KIFC2: variants seen among roughly 807,000 people sequenced by gnomAD.
KIFC2 encodes the protein kinesin-like protein KIFC2.
KIFC2 carries 94 observed loss-of-function variants against 91.5 expected under a neutral mutation model. That is an observed-to-expected ratio of 1.03 (90% CI 0.87 to 1.22). The LOEUF is 1.22. Among genes scored for constraint, KIFC2 ranks in the 50% most tolerant of loss-of-function variants. The probability of loss-of-function intolerance (pLI) is 0.00; values close to 1 mark genes in which losing one functional copy is unlikely to be tolerated. For missense variants in KIFC2, 1,357 were observed against 1,103.3 expected (o/e 1.23, Z -3.26); for synonymous variants, 729 against 503.9 (o/e 1.45, Z -5.98).
chr8:144,466,803 C>T lies in KIFC2; in HGVS notation c.143C>T (p.Ala48Val), dbSNP rs1029060177. Reference sequence around the variant, plus strand: ...GGTCGCCGGCGCCCAGACCTGCCCGCGCCAGAGCTGTGGACCGAGCTGACC... The same window carrying T: ...GGTCGCCGGCGCCCAGACCTGCCCGTGCCAGAGCTGTGGACCGAGCTGACC... ...PRGRRRPDLP[A>V]PELWTELTGL... The change falls in exon 2 of 18, where the codon GCG (alanine) becomes GTG (valine). Residue 48 changes from alanine (A) to valine (V), a missense_variant. Ala to Val is a moderately conservative substitution (Grantham distance 64). Coordinates refer to ENST00000645548, the MANE Select transcript of KIFC2 (RefSeq NM_001369769.2). 10 of 1,537,128 alleles carry T rather than the reference C, an allele frequency of 6.5e-6. No homozygotes were observed. The highest frequency in any genetic ancestry group is 5.5e-5 in the African/African-American group (4 of 72,882).
At position 144,466,755 on chromosome 8, in the gene KIFC2, C is replaced by A; in HGVS notation, c.100-5C>A. 1 of 1,529,308 alleles carries A rather than the reference C, an allele frequency of 6.5e-7. No homozygotes were observed. Among genetic ancestry groups the A allele is most frequent in the African/African-American group, 1.4e-5 (1 of 72,292 alleles). The allele number at this position is 1,529,308 out of a possible 1,614,324, so 94.7% of individuals were successfully genotyped here. ...TCCTCAGGGGCGCCCCTGCCCCCTC[C>A]CTAGAGAGCCCGCAAGCCCCGGGGT... On this transcript the variant is annotated splice_polypyrimidine_tract_variant and splice_region_variant and intron_variant, in intron 1 of 17. Transcript: ENST00000645548.
intron 14 of KIFC2, 50 bp downstream of exon 14, chr8:144,472,309 C>T (rs371706129): frequency 8.7e-6 from 14 of 1,613,470 alleles, no homozygotes; most frequent in Admixed American, 1.7e-5. Flanking sequence ...GCCCAGGGCC[C>T]TTCCGGATTT....
chr8:144,469,186 C>T (rs563321303), intron 10 of KIFC2, 85 bp from the exon 11 acceptor site: 1 of 1,157,622 alleles, frequency 8.6e-7, no homozygotes, highest in African/African-American at 1.6e-5. Context: ...GTGGGGGCTC[C>T]CTGCTGCTCT....
rs1824840272 is a variant in KIFC2 at position 144,469,480 on chromosome 8, C to T, written c.1223-10C>T. 6 of 1,613,978 alleles carry T rather than the reference C, an allele frequency of 3.7e-6. No homozygotes were observed. The highest frequency in any genetic ancestry group is 2.2e-5 in the East Asian group (1 of 44,892). On this transcript the variant is annotated splice_polypyrimidine_tract_variant and intron_variant, in intron 11 of 17. Coordinates refer to ENST00000645548, the MANE Select transcript of KIFC2 (RefSeq NM_001369769.2). ...TGCGAGGCATTATGCTGACCTGATC[C>T]CCACTGCAGGAAATATCCGTGTGCT...
intron 12 of KIFC2, among the ~76,000 whole-genome samples, chr8:144,471,125 G>A (rs1396282251): frequency 5.5e-5 from 8 of 145,408 alleles, no homozygotes; most frequent in Admixed American, 2.2e-4. Flanking sequence ...CACCATGCTC[G>A]GCTAATTTTT....
chr8:144,469,513 C>T lies in KIFC2; in HGVS notation c.1246C>T (p.Leu416=), dbSNP rs371723827. ...LKGNIRVLCR[L]RPGTSSSLVS... is the part of the protein sequence containing the mutation. ...AGGAAATATCCGTGTGCTGTGTCGGCTGAGGCCAGGGACATCTTCTAGCCT... is the reference window on the plus strand; with the variant it reads ...AGGAAATATCCGTGTGCTGTGTCGGTTGAGGCCAGGGACATCTTCTAGCCT... The change falls in exon 12 of 18, where the codon CTG becomes TTG. Residue 416 remains leucine (L), a synonymous_variant. Transcript: ENST00000645548. 41 of 1,613,910 alleles carry T rather than the reference C, an allele frequency of 2.5e-5. No individual in the cohort carries two copies. The highest frequency in any genetic ancestry group is 2.3e-4 in the African/African-American group (17 of 74,944).
Position 144,472,155 on chromosome 8 carries a change from C to A in KIFC2, c.1503C>A (p.Pro501=), listed in dbSNP as rs145663208. ...ATCCTCAGGGCCCTCCTGAGGACCC[C>A]GGCATAGTTCCTAGGGCGCTGCAGT... The part of the protein sequence containing the change: ...TYSMEGPPED[P]GIVPRALQSL... Residue 501 remains proline, a synonymous_variant, in exon 14 of 18, where the codon CCC becomes CCA. Coordinates refer to ENST00000645548, the MANE Select transcript of KIFC2 (RefSeq NM_001369769.2). 1.4e-5 allele frequency: 22 copies of A among 1,613,140 alleles called. No homozygotes were observed. In the African/African-American group the frequency reaches 2.5e-4, roughly 19 times the overall value.
At chr8:144,469,126 AG>A in intron 10 of KIFC2, 144 bp from the exon 11 acceptor site, 1 of 701,208 alleles carries the variant, frequency 1.4e-6, no homozygotes. Flanking sequence ...TGATGTCCCC[AG>A]GGGCCCAGAG....
At chr8:144,467,801 G>C in intron 6 of KIFC2, 22 bp downstream of exon 6, 1 of 1,613,562 alleles carries the variant, frequency 6.2e-7, no homozygotes, top group South Asian at 1.1e-5. Flanking sequence ...GGGAGACCTG[G>C]CAGGGCCGGG....
Position 144,473,978 on chromosome 8 carries a change from G to T in KIFC2, c.*589G>T. The T allele has an allele frequency of 1.8e-6, 1 of 544,720 alleles. No individual in the cohort carries two copies. Among genetic ancestry groups the T allele is most frequent in the Non-Finnish European group, 3.2e-6 (1 of 307,844 alleles). 33.7% of individuals were successfully genotyped at this position (544,720 alleles called of 1,614,324 possible). A position where few individuals can be genotyped will look rare whatever the true frequency, so the allele number is the denominator to read the frequency against. ...GGCTGAGAAGAGGGGACTAGGAAGG[G>T]CTATTCCAGGCTCAGCCCTGCTCCT... On this transcript the variant is annotated 3_prime_UTR_variant, in exon 18 of 18. Coordinates refer to ENST00000645548, the MANE Select transcript of KIFC2 (RefSeq NM_001369769.2).
rs755675099 is a variant in KIFC2, at chr8:144,469,275, C to A, written c.1118C>A (p.Ser373Tyr). The change falls in exon 11 of 18, where the codon TCC becomes TAC. Residue 373 changes from serine to tyrosine, a missense_variant. Physicochemically the swap from Ser to Tyr is moderately radical, Grantham distance 144 (BLOSUM62 -2). Transcript: ENST00000645548. ...GSLSEARGQV[S>Y]WALGALSSGG... ...TGTACATCCCTGTTCCCTCAGGTGT[C>A]CTGGGCCTTGGGGGCACTGTCATCT... 6.3e-7 allele frequency: 1 copy of A among 1,594,076 alleles called. No homozygotes were observed. The highest frequency in any genetic ancestry group is 8.5e-7 in the Non-Finnish European group (1 of 1,172,472).
At chr8:144,467,139 G>A in intron 3 of KIFC2, 29 bp downstream of exon 3, 5 of 1,611,246 alleles carry the variant, frequency 3.1e-6, no homozygotes, top group Non-Finnish European at 4.2e-6. Context: ...GCTGCTGGCA[G>A]GTACCACCTG....
Position 144,473,258 on chromosome 8 carries a change from T to G in KIFC2, c.2245T>G (p.Ser749Ala). The G allele has an allele frequency of 6.2e-7, 1 of 1,605,400 alleles. No homozygotes were observed. Among genetic ancestry groups the G allele is most frequent in the Non-Finnish European group, 8.5e-7 (1 of 1,176,982 alleles). ...RVPRSSGTPS[S>A]LSTDTPLTGT... ...CCCGCGCTCCTCCGGGACGCCTTCTTCCCTCAGCACCGACACTCCGCTCAC... is the reference window on the plus strand; with the variant it reads ...CCCGCGCTCCTCCGGGACGCCTTCTGCCCTCAGCACCGACACTCCGCTCAC... Residue 749 changes from serine (S) to alanine (A), a missense_variant, in exon 18 of 18, where the codon TCC (serine) becomes GCC (alanine). Coordinates refer to ENST00000645548, the MANE Select transcript of KIFC2 (RefSeq NM_001369769.2).
At chr8:144,469,448 T>C (rs1462585775) in intron 11 of KIFC2, 42 bp from the exon 12 acceptor site, 28 of 1,613,570 alleles carry the variant, frequency 1.7e-5, no homozygotes, top group Middle Eastern at 1.7e-4. Flanking sequence ...CTCTGTGCTT[T>C]AGGGTCTGCG....
chr8:144,467,181 C>G (rs200941622), intron 3 of KIFC2, 22 bp from the exon 4 acceptor site: 1 of 1,613,372 alleles, frequency 6.2e-7, no homozygotes, highest in South Asian at 1.1e-5. Context: ...CAGCCCTGCT[C>G]GGATTCTTGT....
chr8:144,466,480 G>C lies in KIFC2; in HGVS notation c.61G>C (p.Gly21Arg). 1 of 1,333,732 alleles carries C rather than the reference G, an allele frequency of 7.5e-7. No homozygotes were observed. Among genetic ancestry groups the C allele is most frequent in the South Asian group, 1.9e-5 (1 of 53,536 alleles). The allele number at this position is 1,333,732 out of a possible 1,614,324, so 82.6% of individuals were successfully genotyped here. The change falls in exon 1 of 18, where the codon GGC becomes CGC. Residue 21 changes from glycine (G) to arginine (R), a missense_variant. Coordinates refer to ENST00000645548, the MANE Select transcript of KIFC2 (RefSeq NM_001369769.2). Reference sequence around the variant, plus strand: ...CTACAGCCTCTTCCGCAGGGATGGTGGCGCCGCGGCGGCCGCGGAGCCCGG... The same window carrying C: ...CTACAGCCTCTTCCGCAGGGATGGTCGCGCCGCGGCGGCCGCGGAGCCCGG... ...IFYSLFRRDG[G>R]AAAAAEPGDP...
At position 144,466,980 on chromosome 8, in the gene KIFC2, G is replaced by A. The variant is rs35817880; in HGVS notation, c.200G>A (p.Gly67Glu). 3,308 of 1,596,462 alleles carry A rather than the reference G, an allele frequency of 2.1e-3. 62 individuals carry two copies. In the African/African-American group the frequency reaches 0.04, roughly 19 times the overall value. Reference sequence around the variant, plus strand: ...GCAGCCAGCTCCGAGCCTGAGGATGGGTCGGAAGGCGCAGCCGAGGGCCGC... The same window carrying A: ...GCAGCCAGCTCCGAGCCTGAGGATGAGTCGGAAGGCGCAGCCGAGGGCCGC... ...GLAASSEPED[G>E]SEGAAEGRAA... The change falls in exon 3 of 18, where the codon GGG (glycine) becomes GAG (glutamate). Residue 67 changes from glycine (G) to glutamate (E), a missense_variant. Transcript: ENST00000645548.
rs1183035214 is a variant in KIFC2 at position 144,466,802 on chromosome 8, G to C, written c.142G>C (p.Ala48Pro). ...GGGTCGCCGGCGCCCAGACCTGCCC[G>C]CGCCAGAGCTGTGGACCGAGCTGAC... ...PRGRRRPDLP[A>P]PELWTELTGL... The change falls in exon 2 of 18, where the codon GCG (alanine) becomes CCG (proline). Residue 48 changes from alanine (A) to proline (P), a missense_variant. Physicochemically the swap from Ala to Pro is conservative, Grantham distance 27 (BLOSUM62 -1). Coordinates refer to ENST00000645548, the MANE Select transcript of KIFC2 (RefSeq NM_001369769.2). The C allele has an allele frequency of 7.2e-6, 11 of 1,536,518 alleles. No homozygotes were observed. Among genetic ancestry groups the C allele is most frequent in the Non-Finnish European group, 9.6e-6 (11 of 1,148,678 alleles).
chr8:144,469,394 G>A lies in KIFC2; in HGVS notation c.1222+15G>A. ...AGAACTCAAGGGTATGACAGGCTTG[G>A]GAGCCTAGCGGGGCAGGGAGGGCGG... On this transcript the variant is annotated intron_variant, in intron 11 of 17. Coordinates refer to ENST00000645548, the MANE Select transcript of KIFC2 (RefSeq NM_001369769.2). 2 of 1,611,794 alleles carry A rather than the reference G, an allele frequency of 1.2e-6. No individual in the cohort carries two copies. Among genetic ancestry groups the A allele is most frequent in the South Asian group, 1.1e-5 (1 of 90,914 alleles).
Sources: allele counts gnomAD v4.1 joint callset (sites outside exome capture counted in the v4.1 genomes callset), GRCh38; gene constraint gnomAD v4.1.1; transcripts MANE v1.5; gene names NCBI Gene and HGNC (gene_info 2026-07-23, HGNC 2026-07-21).